DGKI: variants seen among roughly 807,000 people sequenced by gnomAD.
DGKI encodes diacylglycerol kinase iota.
Under a neutral mutation model 147.5 loss-of-function variants are expected in DGKI, and 55 were observed. The ratio of observed to expected loss-of-function variants is 0.37; its 90% CI spans 0.30 to 0.47. The LOEUF is 0.47. Among genes scored for constraint, DGKI ranks in the 20% least tolerant of loss-of-function variants. The probability of loss-of-function intolerance (pLI) is 1.00; values close to 1 mark genes in which losing one functional copy is unlikely to be tolerated. For missense variants in DGKI, 1,007 were observed against 1,323.8 expected, an observed-to-expected ratio of 0.76 and a Z score of 3.71; for synonymous variants, 469 against 477.1, an observed-to-expected ratio of 0.98 and a Z score of 0.22.
At chr7:137,514,061 A>T (rs893938710) in intron 21 of DGKI, 13 of 562,362 alleles carry the variant, frequency 2.3e-5, no homozygotes, top group Non-Finnish European at 4.0e-5. Context: ...TGGATCTAGA[A>T]CTTCATCGCC....
intron 2 of DGKI, 84 bp downstream of exon 2, chr7:137,689,810 T>C: frequency 1.0e-6 from 1 of 959,680 alleles, no homozygotes. Flanking sequence ...TAAGCAAGTC[T>C]TCCTTGTAAC....
chr7:137,776,770 A>G (rs1796374816), intron 1 of DGKI, among the ~76,000 whole-genome samples: 1 of 152,326 alleles, frequency 6.6e-6, no homozygotes, highest in African/African-American at 2.4e-5. Flanking sequence ...GTGATAAATG[A>G]CAGATATTTG....
At chr7:137,666,208 CT>C (rs905233911) in intron 3 of DGKI, among the ~76,000 whole-genome samples, 1 of 152,182 alleles carries the variant, frequency 6.6e-6, no homozygotes, top group African/African-American at 2.4e-5. Context: ...TTTAATACTT[CT>C]TTTTAATGAG....
At chr7:137,403,803 G>C (rs1374017514) in intron 30 of DGKI, among the ~76,000 whole-genome samples, 1 of 152,060 alleles carries the variant, frequency 6.6e-6, no homozygotes, top group Non-Finnish European at 1.5e-5. Flanking sequence ...ATAACCAGGA[G>C]GAATGTCTTT....
chr7:137,409,149 T>C (rs1391627830), intron 29 of DGKI, among the ~76,000 whole-genome samples: 1 of 152,180 alleles, frequency 6.6e-6, no homozygotes, highest in African/African-American at 2.4e-5. Flanking sequence ...TGTGAGGTGG[T>C]GGATATGCTA....
chr7:137,386,167 C>T lies in DGKI; in HGVS notation c.*5053G>A, dbSNP rs1429988865. On this transcript the variant is annotated 3_prime_UTR_variant, in exon 33 of 33. Coordinates refer to ENST00000614521, the MANE Select transcript of DGKI (RefSeq NM_001321708.2). ...CAAGAGCCTAAGAATTATTTTTCTG[C>T]TTTCTTTCTGGGACCTGGTCAGTAA... 6.6e-6 allele frequency: 1 copy of T among 152,030 alleles called. No homozygotes were observed. Among genetic ancestry groups the T allele is most frequent in the Non-Finnish European group, 1.5e-5 (1 of 67,966 alleles). The allele number at this position is 152,030 out of a possible 1,614,324, so 9.4% of individuals were successfully genotyped here.
chr7:137,733,130 T>C (rs1794931294), intron 1 of DGKI, among the ~76,000 whole-genome samples: 1 of 152,060 alleles, frequency 6.6e-6, no homozygotes, highest in Non-Finnish European at 1.5e-5. Context: ...AATTGCTCTG[T>C]TCTGTGGCAT....
chr7:137,487,704 A>G lies in DGKI; in HGVS notation c.2249-15T>C. On this transcript the variant is annotated splice_polypyrimidine_tract_variant and intron_variant, in intron 21 of 32. Transcript: ENST00000614521. ...CAGAGGTATCGCTAAGGGTGAAGGA[A>G]GAAGAAAAATCTAAAATAACATATT... 6.2e-7 allele frequency: 1 copy of G among 1,609,036 alleles called. No individual in the cohort carries two copies. Among genetic ancestry groups the G allele is most frequent in the Non-Finnish European group, 8.5e-7 (1 of 1,176,892 alleles).
At chr7:137,408,813 T>A (rs142199786) in intron 29 of DGKI, among the ~76,000 whole-genome samples, 1 of 152,314 alleles carries the variant, frequency 6.6e-6, no homozygotes, top group Non-Finnish European at 1.5e-5. Context: ...AAAATGTGAA[T>A]GAGTCCCTCA....
chr7:137,454,420 A>G (rs1004048279), intron 27 of DGKI, among the ~76,000 whole-genome samples: 11 of 152,190 alleles, frequency 7.2e-5, no homozygotes, highest in African/African-American at 2.7e-4. Context: ...CTGCAACAAA[A>G]TGAGGGCAAA....
At chr7:137,469,404 G>A in intron 24 of DGKI, 146 bp downstream of exon 24, 1 of 726,940 alleles carries the variant, frequency 1.4e-6, no homozygotes, top group Non-Finnish European at 2.3e-6. Flanking sequence ...GGCCCACATT[G>A]TTCCGCATGC....
intron 28 of DGKI, among the ~76,000 whole-genome samples, chr7:137,427,132 T>C (rs1416053645): frequency 1.3e-5 from 2 of 152,070 alleles, no homozygotes; most frequent in East Asian, 1.9e-4. Context: ...TATTCCAAAA[T>C]TGACCACATA....
At chr7:137,722,746 G>C (rs1180696870) in intron 1 of DGKI, 1 of 1,552,664 alleles carries the variant, frequency 6.4e-7, no homozygotes, top group Non-Finnish European at 8.9e-7. Context: ...GAAAGCTGTG[G>C]ACTCACAAAT....
chr7:137,608,214 A>C (rs1421257364), intron 10 of DGKI, among the ~76,000 whole-genome samples: 1 of 152,190 alleles, frequency 6.6e-6, no homozygotes, highest in Non-Finnish European at 1.5e-5. Flanking sequence ...TCGTGGATAA[A>C]GAAAATATTT....
chr7:137,837,841 A>G lies in DGKI; in HGVS notation c.401+8621T>C, dbSNP rs530410848. On this transcript the variant is annotated intron_variant, in intron 1 of 32. Transcript: ENST00000614521. ...GCTAATGAAGACAGCCATGAAAACC[A>G]AGCAGCCCCGAGGTTGTGCGCTGTC... Among the ~76,000 whole-genome samples the G allele has an allele frequency of 3.3e-5, 5 of 152,192 alleles. No individual in the cohort carries two copies. The East Asian group carries it at 9.7e-4, about 29-fold the overall frequency.
At chr7:137,845,094 A>T (rs1220674340) in intron 1 of DGKI, among the ~76,000 whole-genome samples, 1 of 152,262 alleles carries the variant, frequency 6.6e-6, no homozygotes, top group Admixed American at 6.5e-5. Flanking sequence ...GATCTGTGTG[A>T]GTAACTAAGA....
intron 3 of DGKI, among the ~76,000 whole-genome samples, chr7:137,657,200 T>G (rs1160729250): frequency 6.6e-6 from 1 of 152,236 alleles, no homozygotes; most frequent in African/African-American, 2.4e-5. Flanking sequence ...TATCTGTTCT[T>G]ATAAGCACTT....
chr7:137,444,503 C>T (rs1417198187), intron 27 of DGKI, among the ~76,000 whole-genome samples: 1 of 152,230 alleles, frequency 6.6e-6, no homozygotes, highest in East Asian at 1.9e-4. Flanking sequence ...AAGAGATCTA[C>T]TTGAACAGTA....
chr7:137,702,126 C>T (rs1022475108), intron 1 of DGKI, among the ~76,000 whole-genome samples: 1 of 152,124 alleles, frequency 6.6e-6, no homozygotes, highest in Non-Finnish European at 1.5e-5. Flanking sequence ...GACCCTATCT[C>T]ACATTATACA....
Sources: gnomAD v4.1 joint callset for allele counts (sites outside exome capture counted in the v4.1 genomes callset) on GRCh38, gnomAD v4.1.1 for gene constraint, MANE v1.5 for transcripts, NCBI Gene and HGNC (gene_info 2026-07-23, HGNC 2026-07-21) for gene names.